COMMD10: variants seen among roughly 807,000 people sequenced by gnomAD.
The protein encoded by COMMD10 is COMM domain-containing protein 10.
In COMMD10, 33 loss-of-function variants were observed where a neutral mutation model predicts 28.9. That is an observed-to-expected ratio of 1.14 (90% CI 0.87 to 1.53). COMMD10 has a LOEUF of 1.53. COMMD10 is among the 40% of genes most tolerant of loss of function. The probability of loss-of-function intolerance (pLI) is 0.00; values close to 1 mark genes in which losing one functional copy is unlikely to be tolerated. For synonymous variants in COMMD10, 110 were observed against 81.7 expected (o/e 1.35, Z -1.87); for missense variants, 310 against 233.4 (o/e 1.33, Z -2.14).
chr5:116,212,481 G>T (rs1210037525), intron 5 of COMMD10, among the ~76,000 whole-genome samples: 1 of 16,232 alleles, frequency 6.2e-5, no homozygotes, highest in Non-Finnish European at 2.2e-4. Flanking sequence ...TCCAGTGACA[G>T]AAGGTACTGA....
At chr5:116,164,220 C>T (rs1217240972) in intron 5 of COMMD10, among the ~76,000 whole-genome samples, 1 of 152,074 alleles carries the variant, frequency 6.6e-6, no homozygotes, top group Non-Finnish European at 1.5e-5. Flanking sequence ...ACCCAGGAGG[C>T]TGAGGCAGGA....
intron 5 of COMMD10, among the ~76,000 whole-genome samples, chr5:116,152,482 A>G (rs900795708): frequency 1.3e-5 from 2 of 152,216 alleles, no homozygotes; most frequent in African/African-American, 2.4e-5. Context: ...CTCAATTTTA[A>G]TACTTTGTAT....
At chr5:116,225,726 A>G (rs1211283632) in intron 5 of COMMD10, among the ~76,000 whole-genome samples, 1 of 152,088 alleles carries the variant, frequency 6.6e-6, no homozygotes, top group Non-Finnish European at 1.5e-5. Context: ...AAGCCTGTCT[A>G]GATTCATCTT....
chr5:116,091,037 C>A, intron 2 of COMMD10, 42 bp from the exon 3 acceptor site: 3 of 1,214,728 alleles, frequency 2.5e-6, no homozygotes, highest in South Asian at 1.4e-5. Context: ...TTTTGAATGC[C>A]TGAATATGTG....
At chr5:116,107,199 A>G (rs1306772768) in intron 4 of COMMD10, among the ~76,000 whole-genome samples, 3 of 151,512 alleles carry the variant, frequency 2.0e-5, no homozygotes, top group South Asian at 2.1e-4. Context: ...TGTTCCCTCT[A>G]TTTCCTGAAT....
intron 5 of COMMD10, among the ~76,000 whole-genome samples, chr5:116,180,574 G>A (rs1747922218): frequency 6.6e-6 from 1 of 151,324 alleles, no homozygotes; most frequent in Admixed American, 6.6e-5. Context: ...TTTTCTATTA[G>A]CAGTTCATTC....
chr5:116,197,895 A>G (rs1159919365), intron 5 of COMMD10, among the ~76,000 whole-genome samples: 3 of 152,188 alleles, frequency 2.0e-5, no homozygotes, highest in Admixed American at 2.0e-4. Context: ...AAGTAGAAAT[A>G]CTAAGTGCAG....
In COMMD10 at chr5:116,112,594, A is replaced by G. The variant is rs377110857; in HGVS notation, c.399+19894A>G. ...TTTTGTACTTTAAGTAGAGACTGTCACCATGTTGACAGAATGTTCTCTATC... is the reference window on the plus strand; with the variant it reads ...TTTTGTACTTTAAGTAGAGACTGTCGCCATGTTGACAGAATGTTCTCTATC... On this transcript the variant is annotated intron_variant, in intron 4 of 6. Transcript: ENST00000274458. Among the ~76,000 whole-genome samples, 20 of 152,086 alleles carry G rather than the reference A, an allele frequency of 1.3e-4. 1 individual carries two copies. In the South Asian group the frequency reaches 3.9e-3, roughly 30 times the overall value.
chr5:116,104,181 A>C (rs1318788082), intron 4 of COMMD10, among the ~76,000 whole-genome samples: 1 of 152,172 alleles, frequency 6.6e-6, no homozygotes, highest in Non-Finnish European at 1.5e-5. Context: ...CAATGCTGTG[A>C]GGAAAGTCAA....
chr5:116,287,517 T>C (rs1455251766), intron 5 of COMMD10, among the ~76,000 whole-genome samples: 1 of 151,798 alleles, frequency 6.6e-6, no homozygotes, highest in Non-Finnish European at 1.5e-5. Flanking sequence ...GATTCTGTTA[T>C]TTTATCCAGT....
chr5:116,186,444 C>G (rs1207608844), intron 5 of COMMD10, among the ~76,000 whole-genome samples: 1 of 152,112 alleles, frequency 6.6e-6, no homozygotes, highest in Admixed American at 6.6e-5. Context: ...TTCTCCTTCT[C>G]TGGGTTTTTG....
intron 5 of COMMD10, among the ~76,000 whole-genome samples, chr5:116,251,253 CAG>C (rs1222240260): frequency 1.4e-5 from 2 of 146,800 alleles, no homozygotes; most frequent in East Asian, 2.0e-4. Context: ...AAAATTAAAG[CAG>C]ACTCTTTTCT....
intron 5 of COMMD10, among the ~76,000 whole-genome samples, chr5:116,213,156 A>G (rs1189007562): frequency 1.3e-5 from 2 of 152,106 alleles, no homozygotes; most frequent in Non-Finnish European, 2.9e-5. Flanking sequence ...TAGGGTATGA[A>G]AAAACAGTCT....
intron 5 of COMMD10, among the ~76,000 whole-genome samples, chr5:116,239,043 T>A (rs1749748633): frequency 2.0e-5 from 3 of 152,234 alleles, no homozygotes; most frequent in Admixed American, 2.0e-4. Flanking sequence ...ATGTCTTCTA[T>A]TGAAGAGCTC....
At chr5:116,243,506 T>G (rs1259903898) in intron 5 of COMMD10, among the ~76,000 whole-genome samples, 1 of 152,168 alleles carries the variant, frequency 6.6e-6, no homozygotes, top group Admixed American at 6.6e-5. Flanking sequence ...ATGGAGACTT[T>G]GGAGAATATG....
At chr5:116,188,467 C>G (rs926659617) in intron 5 of COMMD10, 1 of 151,972 alleles carries the variant, frequency 6.6e-6, no homozygotes, top group African/African-American at 2.4e-5. Context: ...AAAAATGGAA[C>G]ACTTCACAAA....
At chr5:116,245,154 AATG>A (rs1749909568) in intron 5 of COMMD10, among the ~76,000 whole-genome samples, 1 of 152,112 alleles carries the variant, frequency 6.6e-6, no homozygotes, top group African/African-American at 2.4e-5. Context: ...CACAATCAGA[AATG>A]ATAAGGGGCG....
intron 5 of COMMD10, among the ~76,000 whole-genome samples, chr5:116,153,633 G>A (rs1235554397): frequency 1.3e-5 from 2 of 151,124 alleles, no homozygotes; most frequent in Non-Finnish European, 3.0e-5. Flanking sequence ...TAAGCAGTGA[G>A]TTACTTCTTT....
intron 4 of COMMD10, among the ~76,000 whole-genome samples, chr5:116,124,821 C>T (rs933178710): frequency 1.3e-4 from 19 of 151,986 alleles, no homozygotes; most frequent in Admixed American, 7.2e-4. Context: ...TACCATTATG[C>T]AATGGCCTTC....
Sources: allele counts gnomAD v4.1 joint callset (sites outside exome capture counted in the v4.1 genomes callset), GRCh38; gene constraint gnomAD v4.1.1; transcripts MANE v1.5; gene names NCBI Gene and HGNC (gene_info 2026-07-23, HGNC 2026-07-21).